Variants in TOP3B observed in about 807,000 individuals in gnomAD.
TOP3B encodes DNA topoisomerase III beta.
TOP3B carries 45 observed loss-of-function variants against 93.9 expected under a neutral mutation model. The ratio of observed to expected loss-of-function variants is 0.48; its 90% CI spans 0.38 to 0.61. TOP3B has a LOEUF of 0.61. Among genes scored for constraint, TOP3B ranks in the 20% least tolerant of loss-of-function variants. TOP3B has a pLI of 0.00. For missense variants in TOP3B, 750 were observed against 1,156.1 expected (o/e 0.65, Z 5.09); for synonymous variants, 357 against 472.6 (o/e 0.76, Z 3.17).
intron 4 of TOP3B, chr22:21,972,259 G>T: frequency 2.2e-6 from 1 of 456,468 alleles, no homozygotes; most frequent in Non-Finnish European, 3.9e-6. Flanking sequence ...AGTCGTCTTG[G>T]GTAATATGAT....
chr22:21,960,294 C>A (rs1343422435), intron 14 of TOP3B, 27 bp downstream of exon 14: 1 of 1,612,678 alleles, frequency 6.2e-7, no homozygotes, highest in Non-Finnish European at 8.5e-7. Context: ...CCTCGGTGGG[C>A]CCTGGGGGCA....
At position 21,958,464 on chromosome 22, in the gene TOP3B, G is replaced by A. The variant is rs375653091; in HGVS notation, c.2107+28C>T. The stretch of plus-strand genomic sequence containing the variant: ...CACTGAAAAGAGACTGCAGCTACCT[G>A]TGGACAGGAGGGAGTGGCTGCACTC... On this transcript the variant is annotated intron_variant, in intron 17 of 17. Coordinates refer to ENST00000357179, the MANE Select transcript of TOP3B (RefSeq NM_001282112.2). 1.5e-5 allele frequency: 24 copies of A among 1,613,748 alleles called. No homozygotes were observed. The African/African-American group carries it at 2.4e-4, about 16-fold the overall frequency.
At chr22:21,972,046 G>T in intron 4 of TOP3B, 95 bp from the exon 5 acceptor site, 2 of 1,086,538 alleles carry the variant, frequency 1.8e-6, no homozygotes, top group East Asian at 5.2e-5. Context: ...TTGGTCCCAG[G>T]CCCTGAACCT....
In TOP3B at chr22:21,963,859, C is replaced by A. The variant is rs2071298272; in HGVS notation, c.1204+64G>T. The A allele has an allele frequency of 1.9e-6, 3 of 1,559,868 alleles. No individual in the cohort carries two copies. Among genetic ancestry groups the A allele is most frequent in the South Asian group, 1.1e-5 (1 of 89,326 alleles). On this transcript the variant is annotated intron_variant, in intron 11 of 17. Coordinates refer to ENST00000357179, the MANE Select transcript of TOP3B (RefSeq NM_001282112.2). The surrounding 1 kb of genome is among the most constrained non-coding windows in gnomAD (Gnocchi z 4.8). ...CCACATTGCCAACAGGGCCTGCAAC[C>A]TTCACTGTCGCAGCTCGCCCTTCCC... is the stretch of plus-strand genomic sequence containing the variant.
At chr22:21,959,431 T>G in intron 15 of TOP3B, 156 bp downstream of exon 15, 1 of 1,496,920 alleles carries the variant, frequency 6.7e-7, no homozygotes, top group South Asian at 1.3e-5. Context: ...CACCTGCTCT[T>G]TCAACCCAGC....
At chr22:21,958,773 AAAG>A in intron 16 of TOP3B, 80 bp from the exon 17 acceptor site, 3 of 1,472,096 alleles carry the variant, frequency 2.0e-6, no homozygotes, top group South Asian at 2.7e-5. Flanking sequence ...CTCATAATAC[AAAG>A]TATGTAATCT....
chr22:21,968,998 C>T (rs2071525667), intron 6 of TOP3B: 2 of 542,862 alleles, frequency 3.7e-6, no homozygotes, highest in South Asian at 2.3e-5. Context: ...GAGGTTTCTA[C>T]TGTCTCAGGC....
Position 21,968,786 on chromosome 22 carries a change from T to A in TOP3B, c.582-11A>T, listed in dbSNP as rs1310069653. ...TATTTAGTCTGAAACCTGGAGGGAG[T>A]GGAAAGATATTTTGGTCACTGATTC... On this transcript the variant is annotated splice_polypyrimidine_tract_variant and intron_variant, in intron 6 of 17. Coordinates refer to ENST00000357179, the MANE Select transcript of TOP3B (RefSeq NM_001282112.2). 1.2e-6 allele frequency: 2 copies of A among 1,613,126 alleles called. No homozygotes were observed. The highest frequency in any genetic ancestry group is 1.7e-6 in the Non-Finnish European group (2 of 1,179,716).
intron 9 of TOP3B, chr22:21,964,590 C>T: frequency 2.0e-6 from 1 of 507,296 alleles, no homozygotes; most frequent in South Asian, 2.4e-5. Flanking sequence ...CACGGTGCAT[C>T]CTCATGGGGC....
In TOP3B at chr22:21,963,130, T is replaced by C. The variant is rs1019877912; in HGVS notation, c.1205-237A>G. The C allele has an allele frequency of 1.3e-5, 6 of 479,676 alleles. No individual in the cohort carries two copies. The highest frequency in any genetic ancestry group is 3.5e-5 in the Admixed American group (1 of 28,820). The allele number at this position is 479,676 out of a possible 1,614,324, so 29.7% of individuals were successfully genotyped here. On this transcript the variant is annotated intron_variant, in intron 11 of 17. Transcript: ENST00000357179. This position sits in a 1 kb window ranked among gnomAD's most constrained non-coding sequence, Gnocchi z 4.8. ...GGATGGATCACTTGAGGTCAGGAGT[T>C]TGAGACCAGCCTGGCCAACATGGTG...
intron 17 of TOP3B, chr22:21,958,058 G>A (rs1267047354): frequency 2.6e-5 from 34 of 1,292,804 alleles, no homozygotes; most frequent in Middle Eastern, 2.8e-4. Flanking sequence ...CCTCACTCCC[G>A]CTGATTCCTG....
chr22:21,969,964 C>G, intron 6 of TOP3B: 89 of 254,614 alleles, frequency 3.5e-4, no homozygotes, highest in East Asian at 4.7e-4. Context: ...GAGATGGGGT[C>G]TTGTTATGCT....
chr22:21,974,730 G>A (rs968162592), intron 2 of TOP3B: 6 of 357,264 alleles, frequency 1.7e-5, no homozygotes, highest in South Asian at 6.1e-5. Flanking sequence ...CCAGGCTGCC[G>A]GGAGCCAGGA....
At chr22:21,961,660 C>T (rs554193778) in intron 13 of TOP3B, 1 of 153,040 alleles carries the variant, frequency 6.5e-6, no homozygotes, top group Admixed American at 6.5e-5. Flanking sequence ...GGAAGAGACA[C>T]TCCCTGAGAG....
rs536152263 is a variant in TOP3B at position 21,970,259 on chromosome 22, C to G, written c.532G>C (p.Val178Leu). 6.2e-7 allele frequency: 1 copy of G among 1,613,874 alleles called. No homozygotes were observed. Among genetic ancestry groups the G allele is most frequent in the South Asian group, 1.1e-5 (1 of 91,086 alleles). Residue 178 changes from valine to leucine, a missense_variant, in exon 6 of 18, where the codon GTG becomes CTG. Physicochemically the swap from Val to Leu is conservative, Grantham distance 32 (BLOSUM62 1). Coordinates refer to ENST00000357179, the MANE Select transcript of TOP3B (RefSeq NM_001282112.2). The surrounding 1 kb of genome is among the most constrained non-coding windows in gnomAD (Gnocchi z 4.4). The part of the protein sequence containing the change: ...GEPDHNEALS[V>L]DARQELDLRI... Reference sequence around the variant, plus strand: ...AGGTCCAGCTCCTGGCGAGCATCCACTGAGAGCGCCTCGTTGTGGTCAGGC... The same window carrying G: ...AGGTCCAGCTCCTGGCGAGCATCCAGTGAGAGCGCCTCGTTGTGGTCAGGC...
chr22:21,969,930 A>AT (rs56123700), intron 6 of TOP3B: 2,072 of 177,088 alleles, frequency 0.012, 9 homozygotes, highest in Middle Eastern at 0.018. Flanking sequence ...CAAAAAAATA[A>AT]TTTTTTTTTT....
Position 21,968,643 on chromosome 22 carries a change from C to G in TOP3B, c.714G>C (p.Glu238Asp). The change falls in exon 7 of 18, where the codon GAG becomes GAC. Residue 238 changes from glutamate (E) to aspartate (D), a missense_variant. By Grantham distance (45) the Glu-to-Asp change is conservative. This residue lies in a region of TOP3B where 737 missense variants were observed against 933.7 expected (regional missense o/e 0.79). Transcript: ENST00000357179. ...CCTTGGCCTGCAGCACCCAGTAGGT[C>G]TCTGGTTTGAAGGACTGGATTTTAT... ...RHDKIQSFKPETYWVLQAKVN... is the reference protein window; with the variant it reads ...RHDKIQSFKPDTYWVLQAKVN... 6.2e-7 allele frequency: 1 copy of G among 1,614,214 alleles called. No homozygotes were observed. The highest frequency in any genetic ancestry group is 1.1e-5 in the South Asian group (1 of 91,082).
rs371277860 is a variant in TOP3B at position 21,962,621 on chromosome 22, C to T, written c.1352-19G>A. ...GTGAAGCCTGGAGAGATATGCGCCG[C>T]CACTCAGGGTCCCCAGCCTGGGTGG... On this transcript the variant is annotated intron_variant, in intron 12 of 17. Transcript: ENST00000357179. The T allele has an allele frequency of 6.2e-7, 1 of 1,607,298 alleles. No individual in the cohort carries two copies. The highest frequency in any genetic ancestry group is 8.5e-7 in the Non-Finnish European group (1 of 1,174,998).
intron 17 of TOP3B, 43 bp downstream of exon 17, chr22:21,958,449 A>C (rs541109503): frequency 6.2e-7 from 1 of 1,613,018 alleles, no homozygotes; most frequent in East Asian, 2.2e-5. Flanking sequence ...CACTGAAAAG[A>C]GACTGCAGCT....
Sources: allele counts gnomAD v4.1 joint callset, GRCh38; gene constraint gnomAD v4.1.1; regional missense constraint gnomAD v4.1.1; non-coding constraint Gnocchi (gnomAD v3.1); transcripts MANE v1.5; gene names NCBI Gene and HGNC (gene_info 2026-07-23, HGNC 2026-07-21).